Variants in KIAA0319L observed in about 807,000 individuals in gnomAD.
KIAA0319L encodes the protein dyslexia-associated protein KIAA0319-like protein.
A neutral mutation model predicts 120.1 loss-of-function variants in KIAA0319L; 55 were observed. The ratio of observed to expected loss-of-function variants is 0.46; its 90% CI spans 0.37 to 0.57. The LOEUF (loss-of-function observed/expected upper bound fraction) is 0.57, where lower values mean the gene tolerates loss of function less well. Among genes scored for constraint, KIAA0319L ranks in the 20% least tolerant of loss-of-function variants. The pLI, the probability that KIAA0319L is intolerant of heterozygous loss-of-function variation, is 0.00. For synonymous variants in KIAA0319L, 398 were observed against 471.9 expected (o/e 0.84, Z 2.03); for missense variants, 1,049 against 1,255.3 (o/e 0.84, Z 2.48).
intron 3 of KIAA0319L, among the ~76,000 whole-genome samples, chr1:35,500,087 T>C (rs1424092105): frequency 6.6e-6 from 1 of 152,232 alleles, no homozygotes; most frequent in Non-Finnish European, 1.5e-5. Flanking sequence ...TGTGTGATTA[T>C]TGACTGGAAA....
intron 6 of KIAA0319L, among the ~76,000 whole-genome samples, chr1:35,470,434 A>T (rs1643546552): frequency 6.7e-6 from 1 of 148,780 alleles, no homozygotes; most frequent in South Asian, 2.2e-4. Flanking sequence ...TCAAGACTGC[A>T]GTGAGCCGTG....
chr1:35,494,145 A>T (rs955562950), intron 3 of KIAA0319L, among the ~76,000 whole-genome samples: 1 of 152,150 alleles, frequency 6.6e-6, no homozygotes, highest in Non-Finnish European at 1.5e-5. Flanking sequence ...TTTAAACATC[A>T]TCTGATTTAA....
intron 2 of KIAA0319L, among the ~76,000 whole-genome samples, chr1:35,545,637 G>A (rs1221207415): frequency 6.6e-6 from 1 of 152,210 alleles, no homozygotes; most frequent in Admixed American, 6.5e-5. Context: ...TAGGCAGCCA[G>A]GTGCGGTGGC....
intron 2 of KIAA0319L, among the ~76,000 whole-genome samples, chr1:35,510,745 T>C (rs1645406750): frequency 6.6e-6 from 1 of 151,974 alleles, no homozygotes; most frequent in Non-Finnish European, 1.5e-5. Context: ...ATGCTAGGAC[T>C]ACAGGTGAGC....
At chr1:35,530,621 T>C (rs887123572) in intron 2 of KIAA0319L, among the ~76,000 whole-genome samples, 5 of 152,242 alleles carry the variant, frequency 3.3e-5, no homozygotes, top group African/African-American at 4.8e-5. Flanking sequence ...TATTGTGTTC[T>C]TTTGGAGATA....
At chr1:35,553,883 G>C (rs551764816) in intron 2 of KIAA0319L, among the ~76,000 whole-genome samples, 1 of 152,082 alleles carries the variant, frequency 6.6e-6, no homozygotes, top group Non-Finnish European at 1.5e-5. Flanking sequence ...AGTAAGGAAC[G>C]CATTTTTCCC....
At chr1:35,553,011 T>C (rs1394717495) in intron 2 of KIAA0319L, among the ~76,000 whole-genome samples, 1 of 151,784 alleles carries the variant, frequency 6.6e-6, no homozygotes, top group African/African-American at 2.4e-5. Flanking sequence ...CGCTTGAACC[T>C]GGGAGGCAGA....
At position 35,523,002 on chromosome 1, in the gene KIAA0319L, T is replaced by C. The variant is rs141797375; in HGVS notation, c.143-15867A>G. 1.6e-3 allele frequency among the ~76,000 whole-genome samples: 198 copies of C among 122,502 alleles called. 2 individuals are homozygous for C. Among genetic ancestry groups the C allele is most frequent in the Admixed American group, 3.0e-3 (31 of 10,462 alleles). 80.4% of individuals were successfully genotyped at this position (122,502 alleles called of 152,430 possible). On this transcript the variant is annotated intron_variant, in intron 2 of 20. Transcript: ENST00000325722. Reference sequence around the variant, plus strand: ...CCACTGCACTCCAGCCTGGCAAGAGTGAAACTCCACATAAAAAAAAAAAAA... The same window carrying C: ...CCACTGCACTCCAGCCTGGCAAGAGCGAAACTCCACATAAAAAAAAAAAAA...
rs1646563085 is a variant in KIAA0319L at position 35,536,098 on chromosome 1, G to A, written c.142+18252C>T. Among the ~76,000 whole-genome samples, 4 of 152,294 alleles carry A rather than the reference G, an allele frequency of 2.6e-5. No homozygotes were observed. In the South Asian group the frequency reaches 8.3e-4, roughly 32 times the overall value. ...TTTCCTTGGCTGAAAGAAGGAAGAG[G>A]CAAGAGAGAAAAGTAAAGTTCCTGG... On this transcript the variant is annotated intron_variant, in intron 2 of 20. Transcript: ENST00000325722.
intron 3 of KIAA0319L, among the ~76,000 whole-genome samples, chr1:35,486,443 GAT>G: frequency 6.7e-6 from 1 of 148,928 alleles, no homozygotes; most frequent in East Asian, 2.0e-4. Flanking sequence ...TTTATTTCTA[GAT>G]ATGTTAAAAA....
intron 2 of KIAA0319L, among the ~76,000 whole-genome samples, chr1:35,525,354 A>G (rs1198162508): frequency 6.6e-6 from 1 of 152,170 alleles, no homozygotes; most frequent in Non-Finnish European, 1.5e-5. Flanking sequence ...TCCTTTAGAT[A>G]AATAATACCC....
intron 1 of KIAA0319L, 34 bp from the exon 2 acceptor site, chr1:35,554,553 G>A (rs189392262): frequency 2.6e-5 from 33 of 1,281,276 alleles, no homozygotes; most frequent in Middle Eastern, 3.9e-4. Context: ...ATTACATGCC[G>A]AGTAATTAAT....
At chr1:35,474,520 A>C (rs1440848044) in intron 5 of KIAA0319L, among the ~76,000 whole-genome samples, 1 of 152,368 alleles carries the variant, frequency 6.6e-6, no homozygotes, top group Middle Eastern at 3.4e-3. Context: ...TTGGTCAAAC[A>C]ACCAGTAAAT....
intron 2 of KIAA0319L, among the ~76,000 whole-genome samples, chr1:35,544,361 T>A (rs1445086062): frequency 1.7e-5 from 2 of 118,866 alleles, no homozygotes; most frequent in Non-Finnish European, 3.3e-5. Context: ...AGACTGAGAC[T>A]CAATCTCAAA....
intron 16 of KIAA0319L, among the ~76,000 whole-genome samples, chr1:35,444,983 C>T (rs1429777849): frequency 6.6e-6 from 1 of 152,156 alleles, no homozygotes; most frequent in African/African-American, 2.4e-5. Context: ...ATGCCTTAGC[C>T]TTAATTTTTA....
intron 2 of KIAA0319L, among the ~76,000 whole-genome samples, chr1:35,547,774 C>T (rs1647039567): frequency 6.6e-6 from 1 of 152,074 alleles, no homozygotes; most frequent in South Asian, 2.1e-4. Context: ...TACAGGGCTT[C>T]TTCTAGGGGT....
At chr1:35,485,881 G>C (rs987578228) in intron 3 of KIAA0319L, among the ~76,000 whole-genome samples, 2 of 152,128 alleles carry the variant, frequency 1.3e-5, no homozygotes, top group Non-Finnish European at 2.9e-5. Context: ...GGCTCAAGCA[G>C]TCCTCCTACC....
At chr1:35,472,514 A>C (rs1643684451) in intron 5 of KIAA0319L, among the ~76,000 whole-genome samples, 2 of 152,048 alleles carry the variant, frequency 1.3e-5, no homozygotes, top group South Asian at 4.1e-4. Context: ...CTGGTCTCAA[A>C]CTTCTGACCT....
At chr1:35,460,202 A>C (rs1423216662) in intron 9 of KIAA0319L, 103 bp downstream of exon 9, 1 of 946,994 alleles carries the variant, frequency 1.1e-6, no homozygotes, top group Non-Finnish European at 1.6e-6. Context: ...AACCAACTCC[A>C]CAGTGAATTT....
Sources: gnomAD v4.1 joint callset for allele counts (sites outside exome capture counted in the v4.1 genomes callset) on GRCh38, gnomAD v4.1.1 for gene constraint, MANE v1.5 for transcripts, NCBI Gene and HGNC (gene_info 2026-07-23, HGNC 2026-07-21) for gene names.